CPNE1: variants seen among roughly 807,000 people sequenced by gnomAD.
CPNE1 encodes copine 1.
CPNE1 carries 58 observed loss-of-function variants against 63.2 expected under a neutral mutation model. The observed-to-expected ratio is 0.92, with a 90% CI of 0.74 to 1.14. The LOEUF (loss-of-function observed/expected upper bound fraction) is 1.14, where lower values mean the gene tolerates loss of function less well. CPNE1 is among the 50% of genes most tolerant of loss of function. The probability of loss-of-function intolerance (pLI) is 0.00; values close to 1 mark genes in which losing one functional copy is unlikely to be tolerated. For missense variants in CPNE1, 672 were observed against 661.7 expected (o/e 1.02, Z -0.17); for synonymous variants, 237 against 249.0 (o/e 0.95, Z 0.45).
chr20:35,644,967 A>G (rs1568924345), intron 1 of CPNE1, among the ~76,000 whole-genome samples: 1 of 152,180 alleles, frequency 6.6e-6, no homozygotes, highest in Non-Finnish European at 1.5e-5. Context: ...AAGGACATCT[A>G]TAGGGTAGTC....
intron 6 of CPNE1, 65 bp from the exon 7 acceptor site, chr20:35,631,842 C>G (rs2032167602): frequency 6.5e-7 from 1 of 1,542,004 alleles, no homozygotes; most frequent in Non-Finnish European, 9.0e-7. Flanking sequence ...TGCCACACTT[C>G]TCTACCCACC....
intron 1 of CPNE1, chr20:35,653,037 C>G: frequency 1.2e-6 from 2 of 1,613,876 alleles, no homozygotes; most frequent in Non-Finnish European, 1.7e-6. Context: ...CTAGACCAGG[C>G]AAACCACTGT....
At chr20:35,642,604 T>A (rs1382453696) in intron 1 of CPNE1, among the ~76,000 whole-genome samples, 1 of 152,166 alleles carries the variant, frequency 6.6e-6, no homozygotes, top group Non-Finnish European at 1.5e-5. Flanking sequence ...TCAAAGGACA[T>A]GGAGAAGGTA....
At chr20:35,653,792 G>A (rs1287163070) in intron 1 of CPNE1, 6 of 1,613,766 alleles carry the variant, frequency 3.7e-6, no homozygotes, top group Non-Finnish European at 4.2e-6. Context: ...ATCTTTTCTA[G>A]CATACCTTTC....
intron 8 of CPNE1, 40 bp from the exon 9 acceptor site, chr20:35,631,394 G>GC: frequency 1.2e-6 from 2 of 1,608,940 alleles, no homozygotes; most frequent in South Asian, 2.2e-5. Flanking sequence ...AATTCTCAGA[G>GC]CATCAGTCAA....
chr20:35,630,400 T>G, intron 13 of CPNE1, 39 bp downstream of exon 13: 1 of 1,583,902 alleles, frequency 6.3e-7, no homozygotes, highest in African/African-American at 1.3e-5. Context: ...CCCCTCTTTG[T>G]GTGGACAGAC....
At chr20:35,658,401 G>C (rs1378306201) in intron 1 of CPNE1, among the ~76,000 whole-genome samples, 1 of 152,078 alleles carries the variant, frequency 6.6e-6, no homozygotes, top group Non-Finnish European at 1.5e-5. Context: ...AAATGAAATT[G>C]ACCCCCAAAG....
At chr20:35,644,448 T>C (rs2146316195) in intron 1 of CPNE1, among the ~76,000 whole-genome samples, 1 of 152,300 alleles carries the variant, frequency 6.6e-6, no homozygotes, top group South Asian at 2.1e-4. Context: ...CCATTCCTGG[T>C]CACTTTAGTT....
chr20:35,627,314 A>T lies in CPNE1; in HGVS notation c.1202T>A (p.Phe401Tyr). 1 of 1,613,552 alleles carries T rather than the reference A, an allele frequency of 6.2e-7. No individual in the cohort carries two copies. Among genetic ancestry groups the T allele is most frequent in the Non-Finnish European group, 8.5e-7 (1 of 1,179,806 alleles). ...FAPIINHVAR[F>Y]AAQAAHQGTA... is the part of the protein sequence containing the mutation. ...CCCCTGATGTGCAGCCTGGGCTGCA[A>T]ACCTGGCCACATGGTTGATGATGGG... Residue 401 changes from phenylalanine (F) to tyrosine (Y), a missense_variant, in exon 14 of 16, where the codon TTT becomes TAT. Phe to Tyr is a conservative substitution (Grantham distance 22). Transcript: ENST00000397443.
chr20:35,635,899 T>C (rs2032460397), intron 1 of CPNE1, among the ~76,000 whole-genome samples: 1 of 152,140 alleles, frequency 6.6e-6, no homozygotes, highest in Admixed American at 6.5e-5. Context: ...CACAGCACCC[T>C]GGCCCCTGCA....
intron 1 of CPNE1, among the ~76,000 whole-genome samples, chr20:35,645,390 C>G (rs2033045167): frequency 6.6e-6 from 1 of 152,226 alleles, no homozygotes; most frequent in African/African-American, 2.4e-5. Context: ...TCCTGTCTAA[C>G]CATAACTTAG....
intron 1 of CPNE1, among the ~76,000 whole-genome samples, chr20:35,633,606 C>G (rs914239840): frequency 1.8e-4 from 27 of 152,178 alleles, no homozygotes; most frequent in African/African-American, 6.3e-4. Flanking sequence ...TCCGTTCCCC[C>G]ATGTCCACCC....
intron 1 of CPNE1, among the ~76,000 whole-genome samples, chr20:35,647,108 C>T (rs948431162): frequency 1.1e-4 from 17 of 151,642 alleles, no homozygotes; most frequent in East Asian, 1.9e-4. Flanking sequence ...GTCAGGAGTT[C>T]GAGACCAGCC....
At chr20:35,643,725 CTG>C (rs994508548) in intron 1 of CPNE1, among the ~76,000 whole-genome samples, 1 of 152,154 alleles carries the variant, frequency 6.6e-6, no homozygotes, top group Admixed American at 6.5e-5. Flanking sequence ...GAGTGAGACT[CTG>C]TTGCGAAAAC....
chr20:35,661,089 T>C (rs1043305834), intron 1 of CPNE1, among the ~76,000 whole-genome samples: 2 of 152,324 alleles, frequency 1.3e-5, no homozygotes, highest in South Asian at 4.1e-4. Context: ...TATGATTCTC[T>C]TCTATTTCAG....
chr20:35,652,826 G>C, intron 1 of CPNE1: 2 of 1,604,168 alleles, frequency 1.2e-6, no homozygotes, highest in Non-Finnish European at 1.7e-6. Flanking sequence ...CCAGGGCCGG[G>C]GCCGGGGCCG....
intron 1 of CPNE1, among the ~76,000 whole-genome samples, chr20:35,644,627 G>A (rs1239944822): frequency 2.0e-5 from 3 of 151,928 alleles, no homozygotes; most frequent in African/African-American, 7.2e-5. Flanking sequence ...ATGGAACCAC[G>A]AACCGATTCT....
chr20:35,660,981 C>T (rs1479545379), intron 1 of CPNE1, among the ~76,000 whole-genome samples: 1 of 152,180 alleles, frequency 6.6e-6, no homozygotes, highest in Non-Finnish European at 1.5e-5. Context: ...TTTCTCATTC[C>T]ACAAGGCAAG....
Position 35,627,308 on chromosome 20 carries a change from G to T in CPNE1, c.1208C>A (p.Ala403Asp). Reference sequence around the variant, plus strand: ...GGCAGTCCCCTGATGTGCAGCCTGGGCTGCAAACCTGGCCACATGGTTGAT... The same window carrying T: ...GGCAGTCCCCTGATGTGCAGCCTGGTCTGCAAACCTGGCCACATGGTTGAT... The part of the protein sequence containing the change: ...PIINHVARFA[A>D]QAAHQGTASQ... Residue 403 changes from alanine to aspartate, a missense_variant, in exon 14 of 16, where the codon GCC (alanine) becomes GAC (aspartate). Physicochemically the swap from Ala to Asp is moderately radical, Grantham distance 126 (BLOSUM62 -2). Coordinates refer to ENST00000397443, the MANE Select transcript of CPNE1 (RefSeq NM_152925.3). The T allele has an allele frequency of 6.2e-7, 1 of 1,611,748 alleles. No individual in the cohort carries two copies. The highest frequency in any genetic ancestry group is 8.5e-7 in the Non-Finnish European group (1 of 1,179,042).
Sources: allele counts gnomAD v4.1 joint callset (sites outside exome capture counted in the v4.1 genomes callset), GRCh38; gene constraint gnomAD v4.1.1; transcripts MANE v1.5; gene names NCBI Gene and HGNC (gene_info 2026-07-23, HGNC 2026-07-21).